Variants in ATP2A1 observed in about 807,000 individuals in gnomAD.
The protein encoded by ATP2A1 is ATPase sarcoplasmic/endoplasmic reticulum Ca2+ transporting 1, also known as sarcoplasmic/endoplasmic reticulum calcium ATPase 1.
Under a neutral mutation model 109.5 loss-of-function variants are expected in ATP2A1, and 83 were observed. The observed-to-expected ratio is 0.76, with a 90% CI of 0.63 to 0.91. The LOEUF is 0.91. Among genes scored for constraint, ATP2A1 ranks in the 40% least tolerant of loss-of-function variants. ATP2A1 has a pLI of 0.00. For missense variants in ATP2A1, 1,101 were observed against 1,341.0 expected, an observed-to-expected ratio of 0.82 and a Z score of 2.80; for synonymous variants, 505 against 537.6, an observed-to-expected ratio of 0.94 and a Z score of 0.84.
Position 28,902,492 on chromosome 16 carries a change from A to G in ATP2A1, c.2525-88A>G. On this transcript the variant is annotated intron_variant, in intron 17 of 22. Transcript: ENST00000395503. This position sits in a 1 kb window ranked among gnomAD's most constrained non-coding sequence, Gnocchi z 4.8. ...GCTGAGAGGGTCTTCTTCCTTGGCC[A>G]GCCTGTCCATGGCCACATGAGGCCC... is the stretch of plus-strand genomic sequence containing the variant. 1 of 1,570,564 alleles carries G rather than the reference A, an allele frequency of 6.4e-7. No homozygotes were observed. Among genetic ancestry groups the G allele is most frequent in the Non-Finnish European group, 8.7e-7 (1 of 1,148,568 alleles).
At position 28,903,650 on chromosome 16, in the gene ATP2A1, T is replaced by C. The variant is rs1343216571; in HGVS notation, c.2981-50T>C. 2 of 1,507,040 alleles carry C rather than the reference T, an allele frequency of 1.3e-6. No homozygotes were observed. Among genetic ancestry groups the C allele is most frequent in the Non-Finnish European group, 1.8e-6 (2 of 1,083,596 alleles). The allele number at this position is 1,507,040 out of a possible 1,614,324, so 93.4% of individuals were successfully genotyped here. A position where few individuals can be genotyped will look rare whatever the true frequency, so the allele number is the denominator to read the frequency against. On this transcript the variant is annotated intron_variant, in intron 21 of 22. Transcript: ENST00000395503. This position sits in a 1 kb window ranked among gnomAD's most constrained non-coding sequence, Gnocchi z 5.6. The stretch of plus-strand genomic sequence containing the variant: ...GCCCCCACAGCCCCTATAGCCCCCA[T>C]GCCACCTCCCTGCCTTGATAACAGT...
intron 4 of ATP2A1, among the ~76,000 whole-genome samples, chr16:28,882,147 C>T (rs1162424830): frequency 8.3e-6 from 1 of 120,022 alleles, no homozygotes; most frequent in Non-Finnish European, 1.6e-5. Context: ...TAGAGACGGA[C>T]GGGGTTTCAC....
chr16:28,902,024 C>T lies in ATP2A1; in HGVS notation c.2262C>T (p.Tyr754=). The change falls in exon 16 of 23, where the codon TAC becomes TAT. Residue 754 remains tyrosine, a synonymous_variant. Coordinates refer to ENST00000395503, the MANE Select transcript of ATP2A1 (RefSeq NM_004320.6). The surrounding 1 kb of genome is among the most constrained non-coding windows in gnomAD (Gnocchi z 4.8). ...CTGTGGAGGAGGGCCGCGCCATCTACAACAACATGAAGCAGTTCATCCGCT... is the reference window on the plus strand; with the variant it reads ...CTGTGGAGGAGGGCCGCGCCATCTATAACAACATGAAGCAGTTCATCCGCT... ...VAAVEEGRAI[Y]NNMKQFIRYL... 1 of 1,614,214 alleles carries T rather than the reference C, an allele frequency of 6.2e-7. No homozygotes were observed. Among genetic ancestry groups the T allele is most frequent in the Non-Finnish European group, 8.5e-7 (1 of 1,180,024 alleles).
At chr16:28,896,435 C>T (rs1045231691) in intron 12 of ATP2A1, among the ~76,000 whole-genome samples, 5 of 150,322 alleles carry the variant, frequency 3.3e-5, no homozygotes, top group Non-Finnish European at 5.9e-5. Context: ...TTTTTTGAGA[C>T]GGAGTCTCTC....
intron 7 of ATP2A1, 51 bp downstream of exon 7, chr16:28,887,325 G>A (rs752115877): frequency 6.2e-7 from 1 of 1,613,008 alleles, no homozygotes; most frequent in African/African-American, 1.3e-5. Flanking sequence ...CAGGTGCCCG[G>A]GTTGGAGAGA....
At position 28,894,183 on chromosome 16, in the gene ATP2A1, A is replaced by G. The variant is rs375138976; in HGVS notation, c.1124A>G (p.Asp375Gly). Reference sequence around the variant, plus strand: ...TTTATCATTGACAAGGTGGATGGGGACATCTGCCTCCTGAATGAGTTCTCC... The same window carrying G: ...TTTATCATTGACAAGGTGGATGGGGGCATCTGCCTCCTGAATGAGTTCTCC... ...KMFIIDKVDG[D>G]ICLLNEFSIT... The change falls in exon 10 of 23, where the codon GAC becomes GGC. Residue 375 changes from aspartate (D) to glycine (G), a missense_variant. Coordinates refer to ENST00000395503, the MANE Select transcript of ATP2A1 (RefSeq NM_004320.6). 2.5e-6 allele frequency: 4 copies of G among 1,613,788 alleles called. No individual in the cohort carries two copies. The African/African-American group carries it at 5.3e-5, about 22-fold the overall frequency.
chr16:28,878,604 A>G lies in ATP2A1; in HGVS notation c.-68A>G. The stretch of plus-strand genomic sequence containing the variant: ...AGACAGGCAGTTGGACACACTGAGG[A>G]AGACCCCCCACGAGTGGGAACCCCC... On this transcript the variant is annotated 5_prime_UTR_variant, in exon 1 of 23. Transcript: ENST00000395503. 1 of 1,321,860 alleles carries G rather than the reference A, an allele frequency of 7.6e-7. No homozygotes were observed. Among genetic ancestry groups the G allele is most frequent in the South Asian group, 1.3e-5 (1 of 79,616 alleles). The allele number at this position is 1,321,860 out of a possible 1,614,324, so 81.9% of individuals were successfully genotyped here. A position where few individuals can be genotyped will look rare whatever the true frequency, so the allele number is the denominator to read the frequency against.
intron 8 of ATP2A1, 54 bp downstream of exon 8, chr16:28,887,776 C>CCTTTT (rs374674087): frequency 1.5e-4 from 232 of 1,582,272 alleles, no homozygotes; most frequent in East Asian, 4.9e-4. Context: ...TGCAAAGACC[C>CCTTTT]CTTTTCTTTT....
chr16:28,894,767 A>G (rs1423795711), intron 11 of ATP2A1, 55 bp from the exon 12 acceptor site: 4 of 1,608,766 alleles, frequency 2.5e-6, no homozygotes, highest in Non-Finnish European at 2.5e-6. Context: ...GAAGGAGGGT[A>G]TGACAGGTAG....
chr16:28,896,482 G>A (rs1450292946), intron 12 of ATP2A1, among the ~76,000 whole-genome samples: 7 of 141,430 alleles, frequency 4.9e-5, no homozygotes, highest in African/African-American at 1.6e-4. Context: ...GGGCCATCTC[G>A]GCTCACTGCA....
chr16:28,879,833 G>A, intron 3 of ATP2A1: 2 of 625,090 alleles, frequency 3.2e-6, no homozygotes, highest in South Asian at 2.0e-5. Context: ...CCACCCTCGC[G>A]GCTTCAAGAG....
chr16:28,884,047 C>T (rs1395928757), intron 5 of ATP2A1, among the ~76,000 whole-genome samples: 1 of 152,128 alleles, frequency 6.6e-6, no homozygotes, highest in Non-Finnish European at 1.5e-5. Flanking sequence ...TTTCCCGTTT[C>T]TCCTTGCCTT....
chr16:28,879,062 C>CA, intron 1 of ATP2A1, 37 bp from the exon 2 acceptor site: 1 of 1,614,030 alleles, frequency 6.2e-7, no homozygotes, highest in Non-Finnish European at 8.5e-7. Context: ...GGCTGAACCC[C>CA]AAATGAATCT....
intron 9 of ATP2A1, among the ~76,000 whole-genome samples, chr16:28,891,654 G>C (rs536553809): frequency 6.8e-6 from 1 of 146,298 alleles, no homozygotes; most frequent in South Asian, 2.1e-4. Flanking sequence ...CACTTTGGGA[G>C]GCCAAGGCGG....
chr16:28,879,809 A>G, intron 3 of ATP2A1: 1 of 660,590 alleles, frequency 1.5e-6, no homozygotes, highest in Non-Finnish European at 2.5e-6. Context: ...CTCAGCCAAA[A>G]CACCGAAGCT....
chr16:28,879,998 C>T (rs954757448), intron 3 of ATP2A1: 17 of 1,021,306 alleles, frequency 1.7e-5, no homozygotes, highest in Non-Finnish European at 1.9e-5. Context: ...CCCCGCCCTC[C>T]CCAGCCTCCT....
chr16:28,882,258 C>T (rs1963509208), intron 4 of ATP2A1, among the ~76,000 whole-genome samples, 193 bp from the exon 5 acceptor site: 2 of 151,980 alleles, frequency 1.3e-5, no homozygotes, highest in South Asian at 2.1e-4. Flanking sequence ...CATGCCCGGC[C>T]TGATTTTCTT....
chr16:28,887,945 TGC>T (rs1963660883), intron 8 of ATP2A1, among the ~76,000 whole-genome samples: 1 of 152,182 alleles, frequency 6.6e-6, no homozygotes, highest in Non-Finnish European at 1.5e-5. Flanking sequence ...GGACTACAGG[TGC>T]ACGCCGCCAT....
At position 28,879,551 on chromosome 16, in the gene ATP2A1, C is replaced by T. The variant is rs1395872247; in HGVS notation, c.187C>T (p.Arg63Trp). 4 of 1,614,132 alleles carry T rather than the reference C, an allele frequency of 2.5e-6. No homozygotes were observed. The highest frequency in any genetic ancestry group is 3.4e-6 in the Non-Finnish European group (4 of 1,180,008). The change falls in exon 3 of 23, where the codon CGG becomes TGG. Residue 63 changes from arginine (R) to tryptophan (W), a missense_variant. Arg to Trp is a moderately radical substitution (Grantham distance 101, BLOSUM62 -3). Coordinates refer to ENST00000395503, the MANE Select transcript of ATP2A1 (RefSeq NM_004320.6). ...AGAGCAGTTTGAAGACCTCCTGGTG[C>T]GGATTCTCCTCCTGGCCGCATGCAT... ...VIEQFEDLLVRILLLAACISF... is the reference protein window; with the variant it reads ...VIEQFEDLLVWILLLAACISF...
Sources: allele counts gnomAD v4.1 joint callset (sites outside exome capture counted in the v4.1 genomes callset), GRCh38; gene constraint gnomAD v4.1.1; non-coding constraint Gnocchi (gnomAD v3.1); transcripts MANE v1.5; gene names NCBI Gene and HGNC (gene_info 2026-07-23, HGNC 2026-07-21).